MYO16: variants seen among roughly 807,000 people sequenced by gnomAD.
The protein encoded by MYO16 is unconventional myosin-XVI.
In MYO16, 94 loss-of-function variants were observed where a neutral mutation model predicts 205.3. The ratio of observed to expected loss-of-function variants is 0.46; its 90% CI spans 0.39 to 0.54. The LOEUF (loss-of-function observed/expected upper bound fraction) is 0.54. MYO16 is among the 20% of genes least tolerant of loss of function. MYO16 has a pLI of 0.00. For missense variants in MYO16, 2,315 were observed against 2,387.5 expected, an observed-to-expected ratio of 0.97 and a Z score of 0.63; for synonymous variants, 988 against 954.0, an observed-to-expected ratio of 1.04 and a Z score of -0.66.
chr13:109,197,580 T>C (rs1413593827), intron 34 of MYO16, among the ~76,000 whole-genome samples: 3 of 152,164 alleles, frequency 2.0e-5, no homozygotes, highest in Non-Finnish European at 4.4e-5. Flanking sequence ...GACACCATAG[T>C]CTTGTGAGGC....
At chr13:108,674,370 T>G (rs1882114960) in intron 2 of MYO16, among the ~76,000 whole-genome samples, 1 of 152,200 alleles carries the variant, frequency 6.6e-6, no homozygotes, top group Admixed American at 6.5e-5. Context: ...TCTCCTAGTA[T>G]CTAGGGTATA....
intron 2 of MYO16, among the ~76,000 whole-genome samples, chr13:108,672,593 C>T (rs1023136439): frequency 5.3e-5 from 8 of 151,620 alleles, no homozygotes; most frequent in African/African-American, 1.9e-4. Context: ...TTTTATTGTT[C>T]TGGGAGTTGG....
chr13:108,755,941 T>G (rs71435294), intron 4 of MYO16, among the ~76,000 whole-genome samples: 23,176 of 152,200 alleles, frequency 0.15, 2,039 homozygotes, highest in Non-Finnish European at 0.21. Flanking sequence ...TAATACATTT[T>G]GAAGTGCTTC....
At chr13:108,984,850 A>G (rs1322248463) in intron 20 of MYO16, among the ~76,000 whole-genome samples, 1 of 152,150 alleles carries the variant, frequency 6.6e-6, no homozygotes, top group Non-Finnish European at 1.5e-5. Flanking sequence ...CTTTTGTGGC[A>G]TGAGATCTCT....
At chr13:108,594,112 G>A (rs992003654), upstream of MYO16, among the ~76,000 whole-genome samples, 11 of 152,300 alleles carry the variant, frequency 7.2e-5, no homozygotes, top group Admixed American at 5.9e-4. Context: ...TAATCTGAGT[G>A]ATGCTGCTTC....
At chr13:108,636,495 T>C (rs1880258764) in intron 1 of MYO16, among the ~76,000 whole-genome samples, 1 of 150,692 alleles carries the variant, frequency 6.6e-6, no homozygotes, top group South Asian at 2.1e-4. Flanking sequence ...TTCTCCTGCC[T>C]CAGCCTCCCA....
At chr13:108,649,855 C>G (rs1880921489) in intron 1 of MYO16, among the ~76,000 whole-genome samples, 1 of 152,000 alleles carries the variant, frequency 6.6e-6, no homozygotes, top group African/African-American at 2.4e-5. Context: ...TTTAAATTGA[C>G]CTTGCAGAAT....
intron 22 of MYO16, among the ~76,000 whole-genome samples, chr13:109,019,022 G>A (rs1885931303): frequency 6.6e-6 from 1 of 150,396 alleles, no homozygotes; most frequent in South Asian, 2.1e-4. Context: ...AGGATGGAGT[G>A]CAGTGGCATG....
chr13:109,159,230 A>C (rs551596866), intron 32 of MYO16, among the ~76,000 whole-genome samples: 1 of 152,226 alleles, frequency 6.6e-6, no homozygotes. Flanking sequence ...ATGCAATGAG[A>C]TATTTTCCTT....
intron 4 of MYO16, among the ~76,000 whole-genome samples, chr13:108,781,556 C>T (rs74603540): frequency 0.016 from 2,415 of 152,328 alleles, 33 homozygotes; most frequent in South Asian, 0.054. Context: ...CTCTTTCTCT[C>T]TCTGGGCATT....
chr13:108,968,041 A>G (rs1386007076), intron 20 of MYO16, among the ~76,000 whole-genome samples: 1 of 152,218 alleles, frequency 6.6e-6, no homozygotes, highest in Non-Finnish European at 1.5e-5. Context: ...TGCGAATGTC[A>G]TTATTACAAA....
chr13:108,788,130 T>C (rs1482844045), intron 5 of MYO16, among the ~76,000 whole-genome samples: 1 of 152,186 alleles, frequency 6.6e-6, no homozygotes, highest in Non-Finnish European at 1.5e-5. Context: ...CATTTTGCGT[T>C]GTGCAGTTTC....
At chr13:108,620,823 T>A (rs754067846) in intron 1 of MYO16, among the ~76,000 whole-genome samples, 42 of 152,150 alleles carry the variant, frequency 2.8e-4, no homozygotes, top group Non-Finnish European at 5.1e-4. Context: ...CTCCAATAAT[T>A]TCCTATGATA....
At chr13:109,095,231 G>A (rs1030110541) in intron 27 of MYO16, among the ~76,000 whole-genome samples, 12 of 152,206 alleles carry the variant, frequency 7.9e-5, no homozygotes, top group African/African-American at 2.4e-4. Context: ...CCTAAATATA[G>A]GTGTCTTCAG....
chr13:108,631,508 G>GAGATGAAAT (rs1879980591), intron 1 of MYO16, among the ~76,000 whole-genome samples: 1 of 152,198 alleles, frequency 6.6e-6, no homozygotes, highest in Non-Finnish European at 1.5e-5. Context: ...GCTAGTATAA[G>GAGATGAAAT]AGATGAAATC....
At chr13:109,024,032 ATATT>A (rs1487470961) in intron 23 of MYO16, among the ~76,000 whole-genome samples, 8 of 143,668 alleles carry the variant, frequency 5.6e-5, no homozygotes, top group Admixed American at 2.1e-4. Context: ...GTGTATGTAT[ATATT>A]TATATTTATA....
intron 1 of MYO16, among the ~76,000 whole-genome samples, chr13:108,648,539 T>A (rs1880857183): frequency 6.6e-6 from 1 of 151,968 alleles, no homozygotes; most frequent in Admixed American, 6.6e-5. Flanking sequence ...TGAAGCTTTC[T>A]GATATCAGAA....
intron 10 of MYO16, among the ~76,000 whole-genome samples, chr13:108,851,613 T>C (rs1182817329): frequency 6.6e-6 from 1 of 152,220 alleles, no homozygotes; most frequent in East Asian, 1.9e-4. Flanking sequence ...AAATCAATTC[T>C]AGTTAGGAAA....
chr13:108,563,586 T>C, the MYO16 span, among the ~76,000 whole-genome samples: 1 of 152,162 alleles, frequency 6.6e-6, no homozygotes, highest in East Asian at 1.9e-4. Context: ...GTTAGAACAT[T>C]TGATGCTTGT....
Sources: allele counts gnomAD v4.1 joint callset (sites outside exome capture counted in the v4.1 genomes callset), GRCh38; gene constraint gnomAD v4.1.1; transcripts MANE v1.5; gene names NCBI Gene and HGNC (gene_info 2026-07-23, HGNC 2026-07-21).